GPATCH2: variants seen among roughly 807,000 people sequenced by gnomAD.
The protein encoded by GPATCH2 is G patch domain-containing protein 2.
A neutral mutation model predicts 58.0 loss-of-function variants in GPATCH2; 51 were observed. The observed-to-expected ratio is 0.88, with a 90% CI of 0.70 to 1.11. The LOEUF (loss-of-function observed/expected upper bound fraction) is 1.11, where lower values mean the gene tolerates loss of function less well. Ranked by LOEUF, GPATCH2 falls within the 50% of genes most tolerant of loss-of-function variation. The pLI is 0.00. For synonymous variants in GPATCH2, 222 were observed against 218.5 expected (o/e 1.02, Z -0.14); for missense variants, 625 against 652.2 (o/e 0.96, Z 0.45).
At chr1:217,449,958 A>G (rs1346607600) in intron 8 of GPATCH2, among the ~76,000 whole-genome samples, 1 of 152,158 alleles carries the variant, frequency 6.6e-6, no homozygotes, top group Non-Finnish European at 1.5e-5. Context: ...TAAAAACATG[A>G]TATATAAAAA....
At chr1:217,595,231 C>A (rs545802751) in intron 5 of GPATCH2, among the ~76,000 whole-genome samples, 1 of 152,190 alleles carries the variant, frequency 6.6e-6, no homozygotes, top group South Asian at 2.1e-4. Context: ...ATTTCAATAT[C>A]ATTTATAATT....
At chr1:217,608,216 G>GAAA in intron 5 of GPATCH2, 1 of 855,074 alleles carries the variant, frequency 1.2e-6, no homozygotes, top group Non-Finnish European at 1.4e-6. Context: ...AGATTTTATT[G>GAAA]AAAAAAAAAA....
At chr1:217,483,891 G>A (rs1661331938) in intron 8 of GPATCH2, among the ~76,000 whole-genome samples, 1 of 151,950 alleles carries the variant, frequency 6.6e-6, no homozygotes. Flanking sequence ...TATAAGATAT[G>A]TGATTGCAAA....
At chr1:217,611,273 G>A (rs550381232) in intron 3 of GPATCH2, among the ~76,000 whole-genome samples, 2 of 152,136 alleles carry the variant, frequency 1.3e-5, no homozygotes, top group Non-Finnish European at 2.9e-5. Context: ...GGACATACCT[G>A]TACTAAAAAA....
chr1:217,534,518 A>G (rs1396041155), intron 5 of GPATCH2, among the ~76,000 whole-genome samples: 1 of 152,082 alleles, frequency 6.6e-6, no homozygotes, highest in African/African-American at 2.4e-5. Flanking sequence ...TTCATATTCA[A>G]AATGAAATTC....
At chr1:217,626,748 G>T (rs1669481648) in intron 1 of GPATCH2, among the ~76,000 whole-genome samples, 1 of 152,002 alleles carries the variant, frequency 6.6e-6, no homozygotes, top group East Asian at 1.9e-4. Flanking sequence ...GAGGGAGTGG[G>T]CAGGCATTAT....
intron 8 of GPATCH2, among the ~76,000 whole-genome samples, chr1:217,463,628 G>T (rs1660299774): frequency 1.4e-5 from 1 of 73,718 alleles, no homozygotes. Flanking sequence ...AACATAGCAA[G>T]AACTTATCAC....
intron 9 of GPATCH2, among the ~76,000 whole-genome samples, chr1:217,448,679 T>G (rs768203122): frequency 6.6e-6 from 1 of 152,198 alleles, no homozygotes; most frequent in Non-Finnish European, 1.5e-5. Flanking sequence ...CGCTCATTAT[T>G]AGAATGGCAT....
chr1:217,544,149 C>T (rs1174465104), intron 5 of GPATCH2, among the ~76,000 whole-genome samples: 1 of 152,166 alleles, frequency 6.6e-6, no homozygotes, highest in African/African-American at 2.4e-5. Flanking sequence ...AATCCCAGCA[C>T]TTTGGGAGGC....
chr1:217,473,829 C>T (rs898390816), intron 8 of GPATCH2, among the ~76,000 whole-genome samples: 1 of 152,166 alleles, frequency 6.6e-6, no homozygotes, highest in Non-Finnish European at 1.5e-5. Context: ...GACAATTCTT[C>T]ACATCACTCA....
At position 217,619,839 on chromosome 1, in the gene GPATCH2, A is replaced by T. The variant is rs372373814; in HGVS notation, c.717T>A (p.Asn239Lys). 4.2e-5 allele frequency: 68 copies of T among 1,612,632 alleles called. No individual in the cohort carries two copies. The highest frequency in any genetic ancestry group is 5.6e-5 in the Non-Finnish European group (66 of 1,179,440). ...VLESEETNQT[N>K]KDKMECEEQK... Reference sequence around the variant, plus strand: ...GCTCTTCACATTCCATTTTGTCCTTATTGGTCTGGTTCGTTTCCTCACTTT... The same window carrying T: ...GCTCTTCACATTCCATTTTGTCCTTTTTGGTCTGGTTCGTTTCCTCACTTT... Residue 239 changes from asparagine (N) to lysine (K), a missense_variant, in exon 2 of 10, where the codon AAT becomes AAA. Transcript: ENST00000366935.
At chr1:217,515,525 C>T (rs950710797) in intron 5 of GPATCH2, among the ~76,000 whole-genome samples, 4 of 151,824 alleles carry the variant, frequency 2.6e-5, no homozygotes, top group Non-Finnish European at 5.9e-5. Context: ...CTGGACAACA[C>T]GGTGAAACCC....
chr1:217,549,266 C>T (rs1375196782), intron 5 of GPATCH2, among the ~76,000 whole-genome samples: 2 of 151,874 alleles, frequency 1.3e-5, no homozygotes, highest in African/African-American at 2.4e-5. Flanking sequence ...GAATTCATAA[C>T]TTAGATCAAT....
chr1:217,614,323 A>G lies in GPATCH2; in HGVS notation c.774-121T>C, dbSNP rs1668779707. ...AAGCCTGACAAAGATCTGAAAGAAA[A>G]TAAGATGATTTTTTTTTTAATCAAA... On this transcript the variant is annotated intron_variant, in intron 2 of 9. Transcript: ENST00000366935. 4.8e-6 allele frequency: 3 copies of G among 630,920 alleles called. No homozygotes were observed. In the African/African-American group the frequency reaches 5.5e-5, roughly 12 times the overall value. The allele number at this position is 630,920 out of a possible 1,614,324, so 39.1% of individuals were successfully genotyped here.
At chr1:217,623,192 T>C (rs983710397) in intron 1 of GPATCH2, among the ~76,000 whole-genome samples, 4 of 152,202 alleles carry the variant, frequency 2.6e-5, no homozygotes, top group Non-Finnish European at 5.9e-5. Context: ...AACTTACTCT[T>C]GGAAGACAGT....
In GPATCH2 at chr1:217,502,395, C is replaced by T. The variant is rs140174209; in HGVS notation, c.1167-4000G>A. ...TTTGTAGATCTCTTTTGATTTCTTT[C>T]GCCATTTTAATCTCCCATTTTATTT... On this transcript the variant is annotated intron_variant, in intron 6 of 9. Coordinates refer to ENST00000366935, the MANE Select transcript of GPATCH2 (RefSeq NM_018040.5). Among the ~76,000 whole-genome samples, 107 of 151,586 alleles carry T rather than the reference C, an allele frequency of 7.1e-4. 4 individuals are homozygous for T. Among genetic ancestry groups the T allele is most frequent in the South Asian group, 3.1e-3 (15 of 4,800 alleles).
chr1:217,431,978 T>C (rs1392258299), intron 9 of GPATCH2, among the ~76,000 whole-genome samples: 4 of 152,110 alleles, frequency 2.6e-5, no homozygotes, highest in African/African-American at 7.2e-5. Context: ...CTCCTTTTCC[T>C]TCCATGGCCA....
intron 5 of GPATCH2, among the ~76,000 whole-genome samples, chr1:217,595,953 A>T (rs1049120502): frequency 1.3e-5 from 2 of 152,160 alleles, no homozygotes; most frequent in African/African-American, 4.8e-5. Context: ...GAAAACTGAC[A>T]GGTAACAGAA....
At chr1:217,450,917 C>T (rs1464841999) in intron 8 of GPATCH2, among the ~76,000 whole-genome samples, 1 of 151,990 alleles carries the variant, frequency 6.6e-6, no homozygotes, top group African/African-American at 2.4e-5. Flanking sequence ...AAAGTTATTC[C>T]TTTACTTATT....
Sources: allele counts gnomAD v4.1 joint callset (sites outside exome capture counted in the v4.1 genomes callset), GRCh38; gene constraint gnomAD v4.1.1; transcripts MANE v1.5; gene names NCBI Gene and HGNC (gene_info 2026-07-23, HGNC 2026-07-21).